Variants in UNC13C observed in about 807,000 individuals in gnomAD.
UNC13C encodes unc-13 homolog C, also known as protein unc-13 homolog C.
A neutral mutation model predicts 245.4 loss-of-function variants in UNC13C; 174 were observed. The ratio of observed to expected loss-of-function variants is 0.71; its 90% CI spans 0.63 to 0.80. The LOEUF (loss-of-function observed/expected upper bound fraction) is 0.80, where lower values mean the gene tolerates loss of function less well. Among genes scored for constraint, UNC13C ranks in the 30% least tolerant of loss-of-function variants. The pLI, the probability that UNC13C is intolerant of heterozygous loss-of-function variation, is 0.00. For missense variants in UNC13C, 2,829 were observed against 2,602.9 expected (o/e 1.09, Z -1.89); for synonymous variants, 992 against 895.1 (o/e 1.11, Z -1.93).
At chr15:54,476,749 T>C (rs2141053657) in intron 19 of UNC13C, among the ~76,000 whole-genome samples, 1 of 147,922 alleles carries the variant, frequency 6.8e-6, no homozygotes, top group East Asian at 2.1e-4. Flanking sequence ...GCATGATGCC[T>C]CCAGCTTTGT....
At chr15:54,324,195 C>G (rs2038235759) in intron 14 of UNC13C, among the ~76,000 whole-genome samples, 1 of 152,002 alleles carries the variant, frequency 6.6e-6, no homozygotes, top group South Asian at 2.1e-4. Context: ...TTTGATGAGT[C>G]AAATATACCT....
chr15:53,926,221 A>T, the UNC13C span, among the ~76,000 whole-genome samples: 2 of 152,050 alleles, frequency 1.3e-5, no homozygotes, highest in African/African-American at 4.8e-5. Context: ...CCAGAGTTTA[A>T]TACAAAATAG....
chr15:54,374,285 G>A (rs2039557175), intron 17 of UNC13C, among the ~76,000 whole-genome samples: 1 of 152,252 alleles, frequency 6.6e-6, no homozygotes, highest in African/African-American at 2.4e-5. Flanking sequence ...CCACCCAGGA[G>A]CCTATCTGCC....
intron 19 of UNC13C, among the ~76,000 whole-genome samples, chr15:54,494,252 TTC>T (rs1337390302): frequency 6.6e-6 from 1 of 152,122 alleles, no homozygotes; most frequent in African/African-American, 2.4e-5. Flanking sequence ...AGAATTTTAA[TTC>T]TCTCTGTCAC....
intron 28 of UNC13C, 81 bp from the exon 29 acceptor site, chr15:54,555,351 G>A: frequency 3.6e-6 from 4 of 1,108,706 alleles, no homozygotes; most frequent in Admixed American, 3.8e-5. Context: ...GGCATATGGG[G>A]ATAATACAGA....
intron 30 of UNC13C, among the ~76,000 whole-genome samples, chr15:54,585,912 G>A (rs531540899): frequency 1.6e-4 from 25 of 152,272 alleles, no homozygotes; most frequent in Middle Eastern, 3.4e-3. Flanking sequence ...TGGGGTAACC[G>A]TCTGTGTTAG....
chr15:54,319,894 G>A (rs1413880152), intron 13 of UNC13C, among the ~76,000 whole-genome samples: 1 of 151,968 alleles, frequency 6.6e-6, no homozygotes, highest in African/African-American at 2.4e-5. Context: ...TTCCTTGAGA[G>A]AAGTAACAAA....
intron 8 of UNC13C, among the ~76,000 whole-genome samples, chr15:54,262,963 G>T (rs1017621600): frequency 6.6e-6 from 1 of 151,694 alleles, no homozygotes; most frequent in Non-Finnish European, 1.5e-5. Flanking sequence ...ACTTAAATTG[G>T]GCTCAACATT....
At chr15:54,596,773 T>A (rs985953663) in intron 30 of UNC13C, among the ~76,000 whole-genome samples, 2 of 152,132 alleles carry the variant, frequency 1.3e-5, no homozygotes, top group Admixed American at 6.5e-5. Flanking sequence ...TCAGAGCTGG[T>A]TAAGAGCATG....
intron 17 of UNC13C, among the ~76,000 whole-genome samples, chr15:54,363,503 C>T (rs2140869733): frequency 6.6e-6 from 1 of 152,312 alleles, no homozygotes. Flanking sequence ...TTTCCTTTTA[C>T]TGGTGACAAA....
chr15:53,857,032 G>A, the UNC13C span, among the ~76,000 whole-genome samples: 3 of 151,978 alleles, frequency 2.0e-5, no homozygotes, highest in African/African-American at 7.3e-5. Flanking sequence ...CCCTCACCTC[G>A]TGATCTGCCC....
At chr15:54,195,074 G>A (rs2034307733) in intron 4 of UNC13C, among the ~76,000 whole-genome samples, 1 of 151,980 alleles carries the variant, frequency 6.6e-6, no homozygotes, top group African/African-American at 2.4e-5. Flanking sequence ...GGAAGTGTCT[G>A]CAGTTTTTTT....
At chr15:54,104,976 A>G (rs1376084464) in intron 2 of UNC13C, among the ~76,000 whole-genome samples, 1 of 152,100 alleles carries the variant, frequency 6.6e-6, no homozygotes, top group Admixed American at 6.5e-5. Flanking sequence ...AAGTGCTGCC[A>G]ATGTCACTTT....
At chr15:54,494,533 A>G in intron 19 of UNC13C, 75 bp from the exon 20 acceptor site, 1 of 1,319,144 alleles carries the variant, frequency 7.6e-7, no homozygotes, top group Non-Finnish European at 1.0e-6. Context: ...AATTCTATTA[A>G]TAAAAATAGA....
intron 19 of UNC13C, among the ~76,000 whole-genome samples, chr15:54,446,814 C>T (rs1890842001): frequency 6.6e-6 from 1 of 152,188 alleles, no homozygotes; most frequent in Non-Finnish European, 1.5e-5. Context: ...CTGGCCAGAA[C>T]TTCCAACACT....
At chr15:54,094,377 T>C (rs1396339714) in intron 2 of UNC13C, among the ~76,000 whole-genome samples, 1 of 152,182 alleles carries the variant, frequency 6.6e-6, no homozygotes, top group African/African-American at 2.4e-5. Flanking sequence ...TGATATCTGC[T>C]TCTTGGAGGA....
intron 28 of UNC13C, among the ~76,000 whole-genome samples, chr15:54,550,923 GC>G (rs929096713): frequency 1.3e-5 from 2 of 152,122 alleles, no homozygotes; most frequent in African/African-American, 2.4e-5. Flanking sequence ...AATGGCCCTG[GC>G]CATGCATCTA....
intron 13 of UNC13C, among the ~76,000 whole-genome samples, chr15:54,316,716 A>T (rs11853791): frequency 6.6e-6 from 1 of 151,748 alleles, no homozygotes; most frequent in African/African-American, 2.4e-5. Context: ...CTCTTTCATG[A>T]TCATTACCTC....
At chr15:54,085,871 G>A (rs1479528888) in intron 2 of UNC13C, among the ~76,000 whole-genome samples, 2 of 150,940 alleles carry the variant, frequency 1.3e-5, no homozygotes, top group Admixed American at 6.6e-5. Flanking sequence ...ATTTAAAAAT[G>A]TTTAAAAAAA....
Sources: allele counts gnomAD v4.1 joint callset (sites outside exome capture counted in the v4.1 genomes callset), GRCh38; gene constraint gnomAD v4.1.1; transcripts MANE v1.5; gene names NCBI Gene and HGNC (gene_info 2026-07-23, HGNC 2026-07-21).